The following SOX6 variants were observed in gnomAD, a reference collection of about 807,000 sequenced individuals.
SOX6 encodes the protein transcription factor SOX-6.
Under a neutral mutation model 97.8 loss-of-function variants are expected in SOX6, and 11 were observed. The ratio of observed to expected loss-of-function variants is 0.11; its 90% CI spans 0.07 to 0.19. The LOEUF (loss-of-function observed/expected upper bound fraction) is 0.19. SOX6 is among the 10% of genes least tolerant of loss of function. The probability of loss-of-function intolerance (pLI) is 1.00; values close to 1 mark genes in which losing one functional copy is unlikely to be tolerated. For synonymous variants in SOX6, 360 were observed against 371.4 expected, an observed-to-expected ratio of 0.97 and a Z score of 0.35; for missense variants, 810 against 1,039.5, an observed-to-expected ratio of 0.78 and a Z score of 3.04.
intron 1 of SOX6, among the ~76,000 whole-genome samples, chr11:16,404,159 G>A (rs903270768): frequency 1.3e-5 from 2 of 151,778 alleles, no homozygotes; most frequent in African/African-American, 4.8e-5. Context: ...TGGGTATTTG[G>A]GGTGAGGGTC....
chr11:16,703,805 A>G (rs1038540076), intron 3 of SOX6, among the ~76,000 whole-genome samples: 23 of 152,174 alleles, frequency 1.5e-4, no homozygotes, highest in Non-Finnish European at 2.6e-4. Flanking sequence ...TAATAGCACC[A>G]CTGTGTAAAT....
intron 1 of SOX6, among the ~76,000 whole-genome samples, chr11:16,362,956 T>C (rs1857247799): frequency 6.6e-6 from 1 of 152,202 alleles, no homozygotes; most frequent in African/African-American, 2.4e-5. Flanking sequence ...TACTATGCCG[T>C]TAACTTATAA....
intron 4 of SOX6, among the ~76,000 whole-genome samples, chr11:16,582,877 A>G (rs117679646): frequency 0.01 from 1,580 of 152,188 alleles, 12 homozygotes; most frequent in Non-Finnish European, 0.019. Context: ...TTAAGAACTG[A>G]CAATTCCTAT....
At chr11:16,330,679 A>G (rs1340201491) in intron 2 of SOX6, among the ~76,000 whole-genome samples, 2 of 152,198 alleles carry the variant, frequency 1.3e-5, no homozygotes, top group African/African-American at 2.4e-5. Context: ...ATGATACTCA[A>G]TCTAAACAAT....
At chr11:16,586,905 T>C (rs1231790679) in intron 4 of SOX6, among the ~76,000 whole-genome samples, 4 of 152,186 alleles carry the variant, frequency 2.6e-5, no homozygotes, top group African/African-American at 9.7e-5. Flanking sequence ...TGTCCCCACT[T>C]TGCATGATTC....
intron 15 of SOX6, among the ~76,000 whole-genome samples, chr11:15,977,798 C>T (rs1191258575): frequency 1.3e-5 from 2 of 152,050 alleles, no homozygotes; most frequent in Non-Finnish European, 2.9e-5. Context: ...TCTTAGCCTC[C>T]TAGACAATTA....
At chr11:16,731,570 A>G (rs1848350450) in intron 2 of SOX6, among the ~76,000 whole-genome samples, 1 of 152,192 alleles carries the variant, frequency 6.6e-6, no homozygotes, top group Admixed American at 6.5e-5. Flanking sequence ...AACTCTCAAT[A>G]AATTAGATAT....
chr11:16,480,162 C>T (rs913740084), upstream of SOX6, among the ~76,000 whole-genome samples: 3 of 152,122 alleles, frequency 2.0e-5, no homozygotes, highest in Non-Finnish European at 2.9e-5. Context: ...ATAAGTTTCA[C>T]AAAATATAAT....
intron 4 of SOX6, among the ~76,000 whole-genome samples, chr11:16,609,714 TA>T (rs1009472570): frequency 3.3e-5 from 5 of 152,036 alleles, no homozygotes; most frequent in Admixed American, 1.3e-4. Flanking sequence ...AAACTCCAGA[TA>T]AAAAAAGAGA....
intron 4 of SOX6, among the ~76,000 whole-genome samples, chr11:16,193,165 G>C (rs377206634): frequency 1.1e-3 from 170 of 152,218 alleles, no homozygotes; most frequent in African/African-American, 3.9e-3. Flanking sequence ...AAATGAGTAC[G>C]AGAACAGCTA....
intron 11 of SOX6, 119 bp downstream of exon 11, chr11:16,049,636 T>C: frequency 1.7e-6 from 2 of 1,166,730 alleles, no homozygotes; most frequent in Non-Finnish European, 1.2e-6. Flanking sequence ...GTAGAAAAGA[T>C]AAGAGTATTA....
chr11:16,723,146 T>TA (rs1489635974), intron 2 of SOX6, among the ~76,000 whole-genome samples: 1 of 152,070 alleles, frequency 6.6e-6, no homozygotes, highest in Non-Finnish European at 1.5e-5. Flanking sequence ...TATGCAGTCA[T>TA]AAAAAAGGAT....
chr11:16,669,780 T>C (rs1376324148), intron 3 of SOX6, among the ~76,000 whole-genome samples: 2 of 151,872 alleles, frequency 1.3e-5, no homozygotes, highest in South Asian at 2.1e-4. Context: ...AGTCCTCACT[T>C]CTCCTTACTT....
At chr11:16,025,311 AT>A (rs958975814) in intron 12 of SOX6, among the ~76,000 whole-genome samples, 2 of 152,168 alleles carry the variant, frequency 1.3e-5, no homozygotes, top group Non-Finnish European at 2.9e-5. Context: ...CTGATTAACC[AT>A]TTGTTTCAGT....
At chr11:16,589,247 C>T (rs556114262) in intron 4 of SOX6, among the ~76,000 whole-genome samples, 9 of 152,222 alleles carry the variant, frequency 5.9e-5, no homozygotes, top group African/African-American at 1.9e-4. Flanking sequence ...CTCCAAAGTG[C>T]GTACATACAT....
In SOX6 at chr11:16,601,501, G is replaced by A. The variant is rs758711328; in HGVS notation, n.609+10580C>T. ...TCTATACTTTCATAGAAAGTTGTTC[G>A]TAAATAGTGAAAAATATATGTATGT... On this transcript the variant is annotated intron_variant and non_coding_transcript_variant, in intron 4 of 5. Coordinates refer to the SOX6 transcript ENST00000524520. Among the ~76,000 whole-genome samples the A allele has an allele frequency of 2.3e-4, 35 of 152,186 alleles. No individual in the cohort carries two copies. In the East Asian group the frequency reaches 2.5e-3, roughly 11 times the overall value.
At chr11:16,530,295 A>G (rs1222448022) in intron 4 of SOX6, among the ~76,000 whole-genome samples, 3 of 152,084 alleles carry the variant, frequency 2.0e-5, no homozygotes, top group Non-Finnish European at 2.9e-5. Context: ...AATGTTAGAA[A>G]ATGTTTGACA....
intron 4 of SOX6, among the ~76,000 whole-genome samples, chr11:16,231,147 C>T (rs12281119): frequency 0.45 from 67,506 of 151,206 alleles, 15,362 homozygotes; most frequent in East Asian, 0.5. Flanking sequence ...TAAACAAACC[C>T]CCTATAGAAA....
chr11:16,116,666 T>C (rs1849354145), intron 6 of SOX6, among the ~76,000 whole-genome samples: 1 of 152,140 alleles, frequency 6.6e-6, no homozygotes. Context: ...CCAACAATCT[T>C]ATTCATAGTT....
Sources: gnomAD v4.1 joint callset for allele counts (sites outside exome capture counted in the v4.1 genomes callset) on GRCh38, gnomAD v4.1.1 for gene constraint, MANE v1.5 for transcripts, NCBI Gene and HGNC (gene_info 2026-07-23, HGNC 2026-07-21) for gene names.